The following MAP3K9 variants were observed in gnomAD, a reference collection of about 807,000 sequenced individuals.
The protein encoded by MAP3K9 is mixed lineage kinase 1 (tyr and ser/thr specificity).
In MAP3K9, 46 loss-of-function variants were observed where a neutral mutation model predicts 95.8. The ratio of observed to expected loss-of-function variants is 0.48; its 90% CI spans 0.38 to 0.61. MAP3K9 has a LOEUF of 0.61. MAP3K9 is among the 20% of genes least tolerant of loss of function. The pLI is 0.00. For missense variants in MAP3K9, 1,296 were observed against 1,474.3 expected (o/e 0.88, Z 1.98); for synonymous variants, 533 against 593.8 (o/e 0.90, Z 1.49).
rs1477358816 is a variant in MAP3K9, at chr14:70,732,770, C to G, written c.2599G>C (p.Val867Leu). 1.2e-6 allele frequency: 2 copies of G among 1,613,170 alleles called. No individual in the cohort carries two copies. The highest frequency in any genetic ancestry group is 2.2e-5 in the South Asian group (2 of 90,990). Residue 867 changes from valine to leucine, a missense_variant, in exon 11 of 12, where the codon GTC (valine) becomes CTC (leucine). Physicochemically the swap from Val to Leu is conservative, Grantham distance 32. Coordinates refer to ENST00000554752, the MANE Select transcript of MAP3K9 (RefSeq NM_001284230.2). ...IVVYEMPVSPVEAPPLSPCTH... is the reference protein window; with the variant it reads ...IVVYEMPVSPLEAPPLSPCTH... ...CATGGACTCAGGGGAGGGGCCTCGA[C>G]TGGGCTGACTGGCATCTCATACACG...
At chr14:70,802,054 G>A (rs2054936259) in intron 1 of MAP3K9, among the ~76,000 whole-genome samples, 1 of 152,162 alleles carries the variant, frequency 6.6e-6, no homozygotes, top group Admixed American at 6.5e-5. Flanking sequence ...GTATCTTTCA[G>A]AAAAGGAATG....
chr14:70,750,886 A>G (rs1055284841), intron 3 of MAP3K9, among the ~76,000 whole-genome samples: 3 of 152,214 alleles, frequency 2.0e-5, no homozygotes, highest in African/African-American at 7.2e-5. Flanking sequence ...TGTCACAGAT[A>G]CATTTTTTCC....
chr14:70,765,448 C>A, intron 2 of MAP3K9: 2 of 692,228 alleles, frequency 2.9e-6, no homozygotes, highest in Non-Finnish European at 5.3e-6. Flanking sequence ...TCACCCAGGG[C>A]AACTTCCAGT....
At chr14:70,783,283 A>T in intron 2 of MAP3K9, 2 of 985,336 alleles carry the variant, frequency 2.0e-6, no homozygotes, top group Non-Finnish European at 2.4e-6. Context: ...GGAAGACGGC[A>T]TCCTAAAGTA....
At chr14:70,736,788 A>G (rs1304082035) in intron 8 of MAP3K9, among the ~76,000 whole-genome samples, 4 of 152,228 alleles carry the variant, frequency 2.6e-5, no homozygotes, top group Non-Finnish European at 2.9e-5. Flanking sequence ...CCATCCCCCA[A>G]GGATTCCATC....
At chr14:70,806,785 A>G (rs1039863302) in intron 1 of MAP3K9, among the ~76,000 whole-genome samples, 3 of 152,252 alleles carry the variant, frequency 2.0e-5, no homozygotes, top group African/African-American at 7.2e-5. Context: ...CTGCTTTGAC[A>G]TTAGCTGTCC....
intron 8 of MAP3K9, among the ~76,000 whole-genome samples, chr14:70,737,300 C>T (rs1457236339): frequency 6.6e-6 from 1 of 152,208 alleles, no homozygotes. Context: ...CTTATTTGGT[C>T]CTTGCCTCAA....
At chr14:70,765,472 T>C (rs1416702026) in intron 2 of MAP3K9, 5 of 694,934 alleles carry the variant, frequency 7.2e-6, no homozygotes, top group African/African-American at 1.8e-5. Flanking sequence ...GTAAGCTCCA[T>C]TTCATGGTGA....
intron 2 of MAP3K9, among the ~76,000 whole-genome samples, chr14:70,787,429 A>G (rs1594806217): frequency 6.6e-6 from 1 of 150,476 alleles, no homozygotes. Context: ...AATCACTTGA[A>G]CCTCAGAGGC....
In MAP3K9 at chr14:70,732,795, G is replaced by A. The variant is rs1285548713; in HGVS notation, c.2574C>T (p.Val858=). The A allele has an allele frequency of 6.2e-6, 10 of 1,613,960 alleles. No individual in the cohort carries two copies. Among genetic ancestry groups the A allele is most frequent in the Middle Eastern group, 1.6e-4 (1 of 6,062 alleles). The change falls in exon 11 of 12, where the codon GTC becomes GTT. Residue 858 remains valine, a synonymous_variant. Transcript: ENST00000554752. The part of the protein sequence containing the change: ...SLLRSDSDEI[V]VYEMPVSPVE... ...CTGGGCTGACTGGCATCTCATACAC[G>A]ACAATTTCATCGCTGTCGGAGCGCA...
rs774524975 is a variant in MAP3K9, at chr14:70,749,023, T to C, written c.1151-19A>G. Reference sequence around the variant, plus strand: ...CAGCAGTCTGAATAGAACATGTGAATACTCAGAAAGCATGAATGGACAGAA... The same window carrying C: ...CAGCAGTCTGAATAGAACATGTGAACACTCAGAAAGCATGAATGGACAGAA... On this transcript the variant is annotated intron_variant, in intron 4 of 11. Transcript: ENST00000554752. The C allele has an allele frequency of 1.2e-6, 2 of 1,603,338 alleles. No homozygotes were observed. Among genetic ancestry groups the C allele is most frequent in the Non-Finnish European group, 1.7e-6 (2 of 1,173,456 alleles).
At chr14:70,743,590 C>A (rs887700486) in intron 5 of MAP3K9, among the ~76,000 whole-genome samples, 3 of 151,848 alleles carry the variant, frequency 2.0e-5, no homozygotes, top group Non-Finnish European at 2.9e-5. Flanking sequence ...ATGCAGCCAA[C>A]AAACATATGA....
chr14:70,791,558 G>A (rs988161939), intron 2 of MAP3K9, among the ~76,000 whole-genome samples: 2 of 152,212 alleles, frequency 1.3e-5, no homozygotes, highest in East Asian at 1.9e-4. Flanking sequence ...ATCCAAGCAC[G>A]CAATTTGCCT....
intron 2 of MAP3K9, among the ~76,000 whole-genome samples, chr14:70,765,204 C>A (rs1350145231): frequency 6.6e-6 from 1 of 152,074 alleles, no homozygotes; most frequent in Non-Finnish European, 1.5e-5. Flanking sequence ...GTGGTCCGTG[C>A]CTGTACTCCC....
In MAP3K9 at chr14:70,757,098, C is replaced by CA. The variant is rs113210087; in HGVS notation, c.1001+3903dup. ...AATGAGGTTCAATATACAGATGCTA[C>CA]AAAACATCACTGAAAGAAGTTAAAG... On this transcript the variant is annotated intron_variant, in intron 3 of 11. Transcript: ENST00000554752. Among the ~76,000 whole-genome samples the CA allele has an allele frequency of 8.3e-3, 1,270 of 152,142 alleles. 17 individuals are homozygous for CA. Among genetic ancestry groups the CA allele is most frequent in the African/African-American group, 0.028 (1,167 of 41,502 alleles).
intron 2 of MAP3K9, among the ~76,000 whole-genome samples, chr14:70,768,416 T>C (rs1442442487): frequency 6.6e-6 from 1 of 152,024 alleles, no homozygotes; most frequent in Non-Finnish European, 1.5e-5. Flanking sequence ...CAAAAATAAA[T>C]GGTACAGTGG....
chr14:70,737,189 A>G (rs2053997551), intron 8 of MAP3K9, among the ~76,000 whole-genome samples: 1 of 152,254 alleles, frequency 6.6e-6, no homozygotes, highest in Non-Finnish European at 1.5e-5. Context: ...TTCTTCAGAT[A>G]TGATGTAAAA....
rs964084443 is a variant in MAP3K9 at position 70,724,980 on chromosome 14, C to T, written c.*5400G>A. 13 of 152,244 alleles carry T rather than the reference C, an allele frequency of 8.5e-5. No homozygotes were observed. Among genetic ancestry groups the T allele is most frequent in the African/African-American group, 3.1e-4 (13 of 41,440 alleles). The allele number at this position is 152,244 out of a possible 1,614,324, so 9.4% of individuals were successfully genotyped here. On this transcript the variant is annotated 3_prime_UTR_variant, in exon 12 of 12. Transcript: ENST00000554752. ...ACATCTGCCAATCAGCCTAGTAAAA[C>T]TAGGTGATGAGTGCTTTCAAAGAGG... is the stretch of plus-strand genomic sequence containing the variant.
chr14:70,800,737 G>T lies in MAP3K9; in HGVS notation c.750C>A (p.Ala250=). Residue 250 remains alanine (A), a synonymous_variant, in exon 2 of 12, where the codon GCC becomes GCA. Coordinates refer to ENST00000554752, the MANE Select transcript of MAP3K9 (RefSeq NM_001284230.2). ...DILVNWAVQI[A]RGMNYLHDEA... ...CATCATGTAAGTAGTTCATCCCTCT[G>T]GCAATCTGCACAGCCCAATTCACCA... The T allele has an allele frequency of 6.2e-7, 1 of 1,614,032 alleles. No individual in the cohort carries two copies. Among genetic ancestry groups the T allele is most frequent in the Non-Finnish European group, 8.5e-7 (1 of 1,180,008 alleles).
Sources: gnomAD v4.1 joint callset for allele counts (sites outside exome capture counted in the v4.1 genomes callset) on GRCh38, gnomAD v4.1.1 for gene constraint, MANE v1.5 for transcripts, NCBI Gene and HGNC (gene_info 2026-07-23, HGNC 2026-07-21) for gene names.